Variants in CCDC180 observed in about 807,000 individuals in gnomAD.
The protein encoded by CCDC180 is coiled-coil domain-containing protein 180.
A neutral mutation model predicts 209.2 loss-of-function variants in CCDC180; 154 were observed. The ratio of observed to expected loss-of-function variants is 0.74; its 90% CI spans 0.65 to 0.84. The LOEUF (loss-of-function observed/expected upper bound fraction) is 0.84, where lower values mean the gene tolerates loss of function less well. CCDC180 is among the 40% of genes least tolerant of loss of function. The probability of loss-of-function intolerance (pLI) is 0.00; values close to 1 mark genes in which losing one functional copy is unlikely to be tolerated. For synonymous variants in CCDC180, 778 were observed against 749.1 expected, an observed-to-expected ratio of 1.04 and a Z score of -0.63; for missense variants, 1,874 against 1,997.3, an observed-to-expected ratio of 0.94 and a Z score of 1.18.
At chr9:97,350,333 C>T (rs1826388418) in intron 21 of CCDC180, 76 bp from the exon 22 acceptor site, 8 of 1,424,724 alleles carry the variant, frequency 5.6e-6, no homozygotes, top group Non-Finnish European at 7.6e-6. Flanking sequence ...AGGCTGATCA[C>T]CATCACCACC....
Position 97,309,344 on chromosome 9 carries a change from A to G in CCDC180, c.70-70A>G, listed in dbSNP as rs542341939. 2.4e-4 allele frequency: 346 copies of G among 1,470,272 alleles called. 3 individuals are homozygous for G. In the South Asian group the frequency reaches 4.3e-3, roughly 18 times the overall value. The allele number at this position is 1,470,272 out of a possible 1,614,324, so 91.1% of individuals were successfully genotyped here. A position where few individuals can be genotyped will look rare whatever the true frequency, so the allele number is the denominator to read the frequency against. On this transcript the variant is annotated intron_variant, in intron 2 of 36. Coordinates refer to ENST00000529487, the MANE Select transcript of CCDC180 (RefSeq NM_020893.6). ...CTGGATGTCTTTCTAGACAGCCACC[A>G]TCAGCCTGAGAGTGCTAGGAAGTCA...
Position 97,314,951 on chromosome 9 carries a change from G to T in CCDC180, c.795+5G>T. ...CTGATAAATGAAGAAGCCATGGTGA[G>T]TGGTTTTCCTGTGCAGGGATCAGCC... is the stretch of plus-strand genomic sequence containing the variant. On this transcript the variant is annotated splice_donor_5th_base_variant and intron_variant, in intron 8 of 36. Transcript: ENST00000529487. 1 of 1,612,696 alleles carries T rather than the reference G, an allele frequency of 6.2e-7. No individual in the cohort carries two copies. The highest frequency in any genetic ancestry group is 8.5e-7 in the Non-Finnish European group (1 of 1,178,774).
Position 97,370,018 on chromosome 9 carries a change from TC to T in CCDC180, c.4287del (p.Phe1429LeufsTer4), listed in dbSNP as rs747009668. On this transcript the variant is annotated frameshift_variant, in exon 32 of 37. Coordinates refer to ENST00000529487, the MANE Select transcript of CCDC180 (RefSeq NM_020893.6). LOFTEE classifies it high-confidence loss of function. ...AAGGAACACCACTGGAAAAAGTTTT[TC>T]ACCTCTGTGAAGGAGATCCGAGGAC... is the stretch of plus-strand genomic sequence containing the variant. ...NFKEHHWKKF[F>X]TSVKEIRGQF... The T allele has an allele frequency of 6.2e-7, 1 of 1,614,178 alleles. No individual in the cohort carries two copies. Among genetic ancestry groups the T allele is most frequent in the South Asian group, 1.1e-5 (1 of 91,078 alleles).
rs1425955109 is a variant in CCDC180, at chr9:97,366,763, C to G, written c.4189+63C>G. On this transcript the variant is annotated intron_variant, in intron 31 of 36. Coordinates refer to ENST00000529487, the MANE Select transcript of CCDC180 (RefSeq NM_020893.6). The surrounding 1 kb of genome is among the most constrained non-coding windows in gnomAD (Gnocchi z 4.3). ...GGGGCGCGAAGCCAGTGGTGGAGCT[C>G]GGCCTTGGCCTTGTGGCCTGGATCC... 2.6e-6 allele frequency: 4 copies of G among 1,567,454 alleles called. No homozygotes were observed. Among genetic ancestry groups the G allele is most frequent in the African/African-American group, 1.4e-5 (1 of 73,616 alleles).
At chr9:97,340,677 G>A (rs754384686) in intron 18 of CCDC180, among the ~76,000 whole-genome samples, 3 of 152,218 alleles carry the variant, frequency 2.0e-5, no homozygotes, top group African/African-American at 7.2e-5. Flanking sequence ...CACCAGAAGG[G>A]CTCCTTGGTC....
chr9:97,352,617 A>T (rs1271131871), intron 22 of CCDC180, among the ~76,000 whole-genome samples: 1 of 152,200 alleles, frequency 6.6e-6, no homozygotes, highest in African/African-American at 2.4e-5. Context: ...CTGAGCCCCA[A>T]GAGTGGGCAC....
rs771270925 is a variant in CCDC180, at chr9:97,364,071, C to T, written c.3923C>T (p.Pro1308Leu). 3 of 1,613,996 alleles carry T rather than the reference C, an allele frequency of 1.9e-6. No individual in the cohort carries two copies. Among genetic ancestry groups the T allele is most frequent in the East Asian group, 2.2e-5 (1 of 44,876 alleles). ...SAGSFTPHPK[P>L]NKMERKYRVL... ...CACAGCTTCACACCGCACCCCAAGC[C>T]CAACAAAATGGAGAGAAAGTACCGG... Residue 1308 changes from proline to leucine, a missense_variant, in exon 29 of 37, where the codon CCC (proline) becomes CTC (leucine). By Grantham distance (98) the Pro-to-Leu change is moderately conservative. Transcript: ENST00000529487.
intron 2 of CCDC180, among the ~76,000 whole-genome samples, chr9:97,308,495 G>A (rs1387317927): frequency 6.6e-6 from 1 of 152,128 alleles, no homozygotes; most frequent in Non-Finnish European, 1.5e-5. Flanking sequence ...CTTCATAACA[G>A]TATCTCACAG....
At chr9:97,371,255 C>T (rs920224316) in intron 33 of CCDC180, 11 of 178,674 alleles carry the variant, frequency 6.2e-5, no homozygotes, top group East Asian at 2.7e-4. Context: ...TGAGCCACCG[C>T]GCCCGGCCTA....
chr9:97,348,810 A>C (rs1826344351), intron 20 of CCDC180, among the ~76,000 whole-genome samples: 1 of 152,034 alleles, frequency 6.6e-6, no homozygotes, highest in South Asian at 2.1e-4. Flanking sequence ...GCCCTCCCCA[A>C]CACCCCCTGC....
At chr9:97,317,705 C>T (rs1398616586) in intron 9 of CCDC180, among the ~76,000 whole-genome samples, 2 of 152,154 alleles carry the variant, frequency 1.3e-5, no homozygotes, top group Non-Finnish European at 2.9e-5. Flanking sequence ...AGAGAGGTCC[C>T]TTGTCCATGC....
At position 97,357,656 on chromosome 9, in the gene CCDC180, A is replaced by G. The variant is rs1296806796; in HGVS notation, c.3294A>G (p.Gly1098=). The G allele has an allele frequency of 1.2e-6, 2 of 1,613,440 alleles. No homozygotes were observed. The highest frequency in any genetic ancestry group is 1.7e-5 in the Admixed American group (1 of 59,874). ...CAAAATCCAATTCGCAAACAAATGG[A>G]TTAAATTTCTCTCTGCAACAGCTTC... is the stretch of plus-strand genomic sequence containing the variant. The part of the protein sequence containing the change: ...QVAKSNSQTN[G]LNFSLQQLQN... The change falls in exon 25 of 37, where the codon GGA becomes GGG. Residue 1098 remains glycine, a synonymous_variant. Transcript: ENST00000529487.
intron 2 of CCDC180, among the ~76,000 whole-genome samples, chr9:97,308,814 C>T (rs1832887862): frequency 6.6e-6 from 1 of 152,180 alleles, no homozygotes; most frequent in South Asian, 2.1e-4. Context: ...GAAGCCAAAA[C>T]AACAATTACA....
intron 26 of CCDC180, among the ~76,000 whole-genome samples, chr9:97,360,721 G>A (rs909542774): frequency 1.3e-5 from 2 of 151,946 alleles, no homozygotes; most frequent in Admixed American, 1.3e-4. Flanking sequence ...GGTCTGGGTC[G>A]GGGTCTCCCG....
chr9:97,323,166 C>T (rs1375617275), intron 12 of CCDC180, among the ~76,000 whole-genome samples: 1 of 152,174 alleles, frequency 6.6e-6, no homozygotes, highest in African/African-American at 2.4e-5. Flanking sequence ...CAGATCCCCT[C>T]CCCAGCTATC....
chr9:97,319,503 T>C (rs1833287487), intron 10 of CCDC180, among the ~76,000 whole-genome samples: 1 of 152,110 alleles, frequency 6.6e-6, no homozygotes, highest in Non-Finnish European at 1.5e-5. Context: ...CACCCTCAAG[T>C]AGGCCCCAGT....
At chr9:97,361,692 C>T (rs745957195) in intron 26 of CCDC180, 34 bp from the exon 27 acceptor site, 1 of 1,609,150 alleles carries the variant, frequency 6.2e-7, no homozygotes, top group East Asian at 2.2e-5. Flanking sequence ...TGGGCTGGTC[C>T]TTACACCCTC....
upstream of CCDC180, chr9:97,307,531 A>C (rs1344507245): frequency 9.8e-6 from 6 of 609,702 alleles, no homozygotes; most frequent in South Asian, 1.9e-5. Flanking sequence ...GTAGGCGCCT[A>C]ATTAGCGTGA....
chr9:97,336,780 T>C (rs1194909913), intron 18 of CCDC180, among the ~76,000 whole-genome samples: 2 of 152,246 alleles, frequency 1.3e-5, no homozygotes, highest in Non-Finnish European at 2.9e-5. Context: ...CGATATTGAT[T>C]CTTCCTATCC....
Sources: allele counts gnomAD v4.1 joint callset (sites outside exome capture counted in the v4.1 genomes callset), GRCh38; gene constraint gnomAD v4.1.1; non-coding constraint Gnocchi (gnomAD v3.1); transcripts MANE v1.5; gene names NCBI Gene and HGNC (gene_info 2026-07-23, HGNC 2026-07-21).